Variants in ARPC1A observed in about 807,000 individuals in gnomAD.
The protein encoded by ARPC1A is actin related protein 2/3 complex subunit 1A.
ARPC1A carries 8 observed loss-of-function variants against 46.9 expected under a neutral mutation model. The observed-to-expected ratio is 0.17, with a 90% confidence interval of 0.10 to 0.31. ARPC1A has a LOEUF of 0.31. ARPC1A is among the 10% of genes least tolerant of loss of function. The pLI, the probability that ARPC1A is intolerant of heterozygous loss-of-function variation, is 1.00. For synonymous variants in ARPC1A, 152 were observed against 169.0 expected (o/e 0.90, Z 0.78); for missense variants, 286 against 483.6 (o/e 0.59, Z 3.83).
rs773132825 is a variant in ARPC1A at position 99,333,380 on chromosome 7, G to A, written c.27G>A (p.Glu9=). ...TGTCACTGCATCAGTTTTTACTAGA[G>A]CCAATCACCTGTCATGCCTGGAACA... MSLHQFLL[E]PITCHAWNRD... is the part of the protein sequence containing the mutation. Residue 9 remains glutamate (E), a synonymous_variant, in exon 2 of 10, where the codon GAG becomes GAA. Transcript: ENST00000262942. 1 of 1,613,740 alleles carries A rather than the reference G, an allele frequency of 6.2e-7. No homozygotes were observed. The highest frequency in any genetic ancestry group is 2.2e-5 in the East Asian group (1 of 44,852).
chr7:99,358,249 C>G (rs1352761262), intron 6 of ARPC1A, 91 bp from the exon 7 acceptor site: 1 of 1,285,316 alleles, frequency 7.8e-7, no homozygotes, highest in African/African-American at 1.5e-5. Flanking sequence ...TGCAGAAGCC[C>G]CTGTGAGAAT....
At chr7:99,326,091 G>A (rs1357380157) in intron 1 of ARPC1A, 87 bp downstream of exon 1, 1 of 152,194 alleles carries the variant, frequency 6.6e-6, no homozygotes, top group Non-Finnish European at 1.5e-5. Flanking sequence ...GCAGTGAGAC[G>A]GGGGCTCAGG....
chr7:99,329,033 G>A (rs1430808520), intron 1 of ARPC1A, among the ~76,000 whole-genome samples: 1 of 151,854 alleles, frequency 6.6e-6, no homozygotes, highest in African/African-American at 2.4e-5. Context: ...GGGCGCGGTG[G>A]CTCACGCCTG....
chr7:99,327,833 T>C (rs977367664), intron 1 of ARPC1A, among the ~76,000 whole-genome samples: 4 of 152,164 alleles, frequency 2.6e-5, no homozygotes, highest in African/African-American at 9.7e-5. Flanking sequence ...GACTGGAGCC[T>C]GTCTGAATGT....
intron 2 of ARPC1A, chr7:99,335,630 T>G: frequency 3.3e-6 from 1 of 302,960 alleles, no homozygotes; most frequent in Non-Finnish European, 6.5e-6. Context: ...TGACAGAGAT[T>G]ACTTTGAATC....
Position 99,354,072 on chromosome 7 carries a change from G to C in ARPC1A, c.664G>C (p.Val222Leu). Residue 222 changes from valine (V) to leucine (L), a missense_variant, in exon 6 of 10, where the codon GTC (valine) becomes CTC (leucine). Physicochemically the swap from Val to Leu is conservative, Grantham distance 32. Around this residue, in one of 5 missense-constraint regions of ARPC1A, gnomAD observed 182 missense variants for 276.7 expected, o/e 0.66. Transcript: ENST00000262942. ...TGCCAGTGGGAGCCGCCTGGCCTGG[G>C]TCAGCCACGACAGCACCGTGTCTGT... ...FSASGSRLAW[V>L]SHDSTVSVAD... The C allele has an allele frequency of 1.2e-6, 2 of 1,614,034 alleles. No individual in the cohort carries two copies. Among genetic ancestry groups the C allele is most frequent in the African/African-American group, 1.3e-5 (1 of 75,014 alleles).
At chr7:99,332,593 CAAT>C (rs1393195187) in intron 1 of ARPC1A, among the ~76,000 whole-genome samples, 2 of 151,358 alleles carry the variant, frequency 1.3e-5, no homozygotes, top group Non-Finnish European at 2.9e-5. Flanking sequence ...TAAGTTTTGA[CAAT>C]GAGATAGATT....
Position 99,343,323 on chromosome 7 carries a change from G to A in ARPC1A, c.170-970G>A, listed in dbSNP as rs1487783456. Among the ~76,000 whole-genome samples the A allele has an allele frequency of 3.3e-5, 5 of 151,842 alleles. No homozygotes were observed. In the South Asian group the frequency reaches 6.3e-4, roughly 19 times the overall value. On this transcript the variant is annotated intron_variant, in intron 3 of 9. Transcript: ENST00000262942. ...TCTACTAAAAATACAAAAATTAGCC[G>A]GGCATGGTGGCATCTGCCTGTAATC...
At position 99,358,761 on chromosome 7, in the gene ARPC1A, A is replaced by G. The variant is rs147927438; in HGVS notation, c.789+346A>G. On this transcript the variant is annotated intron_variant, in intron 7 of 9. Coordinates refer to ENST00000262942, the MANE Select transcript of ARPC1A (RefSeq NM_006409.4). ...CTCCATGTTGGTCAGGCCGGTCTCG[A>G]ACTCCCATCCTCAGGTGATCCACCC... 7.5e-3 allele frequency: 1,586 copies of G among 210,740 alleles called. 21 individuals carry two copies. Among genetic ancestry groups the G allele is most frequent in the African/African-American group, 0.036 (1,501 of 42,230 alleles). The allele number at this position is 210,740 out of a possible 1,614,324, so 13.1% of individuals were successfully genotyped here.
intron 5 of ARPC1A, among the ~76,000 whole-genome samples, chr7:99,350,513 T>C (rs1793527961): frequency 6.6e-6 from 1 of 152,156 alleles, no homozygotes; most frequent in African/African-American, 2.4e-5. Flanking sequence ...TCCATGTAAT[T>C]GCTTTTTAAA....
chr7:99,353,987 G>C lies in ARPC1A; in HGVS notation c.579G>C (p.Gln193His). 1 of 1,614,018 alleles carries C rather than the reference G, an allele frequency of 6.2e-7. No individual in the cohort carries two copies. The change falls in exon 6 of 10, where the codon CAG becomes CAC. Residue 193 changes from glutamine (Q) to histidine (H), a missense_variant. By Grantham distance (24) the Gln-to-His change is conservative (BLOSUM62 0). Around this residue, in one of 5 missense-constraint regions of ARPC1A, gnomAD observed 182 missense variants for 276.7 expected, o/e 0.66. Transcript: ENST00000262942. ...TPWGSKMPFG[Q>H]LMSEFGGSGT... The stretch of plus-strand genomic sequence containing the variant: ...GGGGCAGCAAGATGCCTTTTGGGCA[G>C]CTGATGTCAGAGTTTGGTGGCAGTG...
chr7:99,334,339 G>C (rs1259246959), intron 2 of ARPC1A, among the ~76,000 whole-genome samples: 1 of 151,836 alleles, frequency 6.6e-6, no homozygotes, highest in East Asian at 1.9e-4. Context: ...TCCAGCCTGG[G>C]TGACAGGGCA....
rs1793838305 is a variant in ARPC1A at position 99,366,202 on chromosome 7, A to T, written c.*273A>T. 10 of 455,554 alleles carry T rather than the reference A, an allele frequency of 2.2e-5. No homozygotes were observed. In the South Asian group the frequency reaches 2.8e-4, roughly 13 times the overall value. 28.2% of individuals were successfully genotyped at this position (455,554 alleles called of 1,614,324 possible). On this transcript the variant is annotated 3_prime_UTR_variant, in exon 10 of 10. Coordinates refer to ENST00000262942, the MANE Select transcript of ARPC1A (RefSeq NM_006409.4). Reference sequence around the variant, plus strand: ...GAAAATTGTCACACTAACTTAAAAGACAGGGTGAGGGAGATATGTAAATTG... The same window carrying T: ...GAAAATTGTCACACTAACTTAAAAGTCAGGGTGAGGGAGATATGTAAATTG...
intron 9 of ARPC1A, among the ~76,000 whole-genome samples, chr7:99,365,477 A>C (rs1793820216): frequency 6.6e-6 from 1 of 152,064 alleles, no homozygotes; most frequent in Admixed American, 6.6e-5. Flanking sequence ...AACCAGGTGC[A>C]GTGACGCATG....
chr7:99,362,875 T>G (rs1022583133), intron 8 of ARPC1A, among the ~76,000 whole-genome samples: 1 of 152,002 alleles, frequency 6.6e-6, no homozygotes, highest in African/African-American at 2.4e-5. Context: ...TTGGTCGGAA[T>G]CTAGTGGTGT....
intron 2 of ARPC1A, 43 bp downstream of exon 2, chr7:99,333,460 G>A (rs1432617681): frequency 6.4e-7 from 1 of 1,552,256 alleles, no homozygotes; most frequent in African/African-American, 1.4e-5. Flanking sequence ...TGGTACCTTT[G>A]GTACATTTCA....
intron 6 of ARPC1A, among the ~76,000 whole-genome samples, chr7:99,355,114 C>CAAA (rs76934314): frequency 2.3e-5 from 2 of 85,406 alleles, no homozygotes; most frequent in African/African-American, 8.4e-5. Flanking sequence ...AACTCCGTCT[C>CAAA]AAAAAAAAAA....
chr7:99,334,084 A>C (rs977896151), intron 2 of ARPC1A, among the ~76,000 whole-genome samples: 1 of 148,556 alleles, frequency 6.7e-6, no homozygotes, highest in Non-Finnish European at 1.5e-5. Context: ...CACAAGGCTG[A>C]GCATGGAGGC....
intron 5 of ARPC1A, among the ~76,000 whole-genome samples, chr7:99,353,578 C>T (rs1249112827): frequency 6.6e-6 from 1 of 151,768 alleles, no homozygotes; most frequent in Non-Finnish European, 1.5e-5. Context: ...CCTGGGTTTA[C>T]GCGATTCTCC....
Sources: allele counts gnomAD v4.1 joint callset (sites outside exome capture counted in the v4.1 genomes callset), GRCh38; gene constraint gnomAD v4.1.1; regional missense constraint gnomAD v4.1.1; transcripts MANE v1.5; gene names NCBI Gene and HGNC (gene_info 2026-07-23, HGNC 2026-07-21).